Variants in CILK1 observed in about 807,000 individuals in gnomAD.
The protein encoded by CILK1 is serine/threonine-protein kinase ICK.
In CILK1, 47 loss-of-function variants were observed where a neutral mutation model predicts 79.2. The ratio of observed to expected loss-of-function variants is 0.59; its 90% CI spans 0.47 to 0.76. The LOEUF (loss-of-function observed/expected upper bound fraction) is 0.76, where lower values mean the gene tolerates loss of function less well. CILK1 is among the 30% of genes least tolerant of loss of function. The probability of loss-of-function intolerance (pLI) is 0.00; values close to 1 mark genes in which losing one functional copy is unlikely to be tolerated. For missense variants in CILK1, 660 were observed against 769.5 expected, an observed-to-expected ratio of 0.86 and a Z score of 1.68; for synonymous variants, 266 against 275.9, an observed-to-expected ratio of 0.96 and a Z score of 0.36.
At chr6:53,006,703 A>C (rs757628316) in intron 12 of CILK1, among the ~76,000 whole-genome samples, 1 of 152,204 alleles carries the variant, frequency 6.6e-6, no homozygotes, top group Non-Finnish European at 1.5e-5. Flanking sequence ...AAAAAAGGGA[A>C]ATATGACATT....
intron 4 of CILK1, 125 bp from the exon 5 acceptor site, chr6:53,031,269 T>A: frequency 1.5e-6 from 1 of 655,772 alleles, no homozygotes. Flanking sequence ...AGTCACATGT[T>A]ACAAAAACAA....
At chr6:53,024,593 G>A (rs1290773876) in intron 5 of CILK1, among the ~76,000 whole-genome samples, 4 of 152,248 alleles carry the variant, frequency 2.6e-5, no homozygotes, top group South Asian at 2.1e-4. Context: ...CAACGCACCT[G>A]TGACCTCTGA....
intron 7 of CILK1, among the ~76,000 whole-genome samples, chr6:53,016,474 A>G (rs1422193645): frequency 2.0e-5 from 3 of 152,166 alleles, no homozygotes; most frequent in African/African-American, 7.2e-5. Context: ...TGGAAAAGAC[A>G]CTGGATTTGC....
chr6:53,029,294 G>A (rs1052448600), intron 5 of CILK1, among the ~76,000 whole-genome samples: 2 of 152,102 alleles, frequency 1.3e-5, no homozygotes, highest in African/African-American at 4.8e-5. Flanking sequence ...AGTTTTTAAT[G>A]TTTTGCAAAT....
At chr6:53,043,755 G>T (rs1169089158) in intron 1 of CILK1, among the ~76,000 whole-genome samples, 2 of 152,050 alleles carry the variant, frequency 1.3e-5, no homozygotes, top group Non-Finnish European at 2.9e-5. Flanking sequence ...AGGGGATGGG[G>T]GTGTGGATGG....
intron 10 of CILK1, 53 bp from the exon 11 acceptor site, chr6:53,011,970 G>T: frequency 6.2e-7 from 1 of 1,613,704 alleles, no homozygotes; most frequent in Non-Finnish European, 8.5e-7. Flanking sequence ...ATGTATTCTC[G>T]GATATGTACC....
intron 1 of CILK1, chr6:53,057,630 C>T (rs1768010827): frequency 6.6e-6 from 1 of 152,112 alleles, no homozygotes; most frequent in African/African-American, 2.4e-5. Flanking sequence ...TGCTAATTAA[C>T]ATAGATTTGA....
intron 7 of CILK1, among the ~76,000 whole-genome samples, chr6:53,016,922 A>G (rs1764923960): frequency 6.6e-6 from 1 of 152,248 alleles, no homozygotes; most frequent in Non-Finnish European, 1.5e-5. Flanking sequence ...AAGTGGCAAT[A>G]CATATAGCTT....
intron 1 of CILK1, among the ~76,000 whole-genome samples, chr6:53,041,868 C>T (rs368701522): frequency 5.9e-5 from 9 of 152,020 alleles, no homozygotes; most frequent in African/African-American, 1.7e-4. Flanking sequence ...TGACCACCCA[C>T]GATCGTAAAC....
intron 5 of CILK1, among the ~76,000 whole-genome samples, chr6:53,024,522 C>T (rs1182842536): frequency 6.6e-6 from 1 of 152,166 alleles, no homozygotes; most frequent in Admixed American, 6.5e-5. Context: ...TGTGTGTTTC[C>T]ATTTTGGAAC....
At chr6:53,049,882 G>A (rs1048758812) in intron 1 of CILK1, among the ~76,000 whole-genome samples, 5 of 151,894 alleles carry the variant, frequency 3.3e-5, no homozygotes, top group African/African-American at 1.2e-4. Context: ...CACCAGGCCT[G>A]GTTAATTTTT....
chr6:53,029,786 G>A (rs900330731), intron 5 of CILK1, among the ~76,000 whole-genome samples: 1 of 152,166 alleles, frequency 6.6e-6, no homozygotes, highest in East Asian at 1.9e-4. Flanking sequence ...CAGTCTCCTT[G>A]AGTAATAAAA....
intron 1 of CILK1, 121 bp from the exon 2 acceptor site, chr6:53,041,529 TC>T (rs2127452803): frequency 2.6e-6 from 1 of 391,992 alleles, no homozygotes; most frequent in South Asian, 2.1e-5. Flanking sequence ...TGCATACCAT[TC>T]ATGACTACAA....
chr6:53,019,360 C>T lies in CILK1; in HGVS notation c.359-1G>A, dbSNP rs1209882070. The T allele has an allele frequency of 1.2e-6, 2 of 1,613,844 alleles. No individual in the cohort carries two copies. The highest frequency in any genetic ancestry group is 1.7e-6 in the Non-Finnish European group (2 of 1,179,938). ...GGCTTTAAGTCTCGATGAAAGAAGC[C>T]TATAGAGACAGTAGAGGAGAAGAAA... On this transcript the variant is annotated splice_acceptor_variant, in intron 5 of 13. Coordinates refer to ENST00000676107, the MANE Select transcript of CILK1 (RefSeq NM_014920.5). LOFTEE classifies it high-confidence loss of function.
intron 2 of CILK1, among the ~76,000 whole-genome samples, chr6:53,038,892 T>G (rs545474811): frequency 6.6e-6 from 1 of 152,314 alleles, no homozygotes; most frequent in African/African-American, 2.4e-5. Context: ...TAATCAGAAA[T>G]TCAACTTTCA....
chr6:53,006,485 G>A (rs1247810767), intron 12 of CILK1, 48 bp from the exon 13 acceptor site: 3 of 1,604,462 alleles, frequency 1.9e-6, no homozygotes, highest in Admixed American at 1.7e-5. Context: ...CATGTACCCA[G>A]GACACCAACA....
rs1283366445 is a variant in CILK1 at position 53,003,784 on chromosome 6, C to T, written c.*1365G>A. On this transcript the variant is annotated 3_prime_UTR_variant, in exon 14 of 14. Coordinates refer to ENST00000676107, the MANE Select transcript of CILK1 (RefSeq NM_014920.5). ...GTTCAATTTGTCATTATCCTGGAAC[C>T]AATAGAGAGTAGTTTGAGCCCTAGG... 1 of 152,568 alleles carries T rather than the reference C, an allele frequency of 6.6e-6. No homozygotes were observed. Among genetic ancestry groups the T allele is most frequent in the South Asian group, 2.1e-4 (1 of 4,802 alleles). 9.5% of individuals were successfully genotyped at this position (152,568 alleles called of 1,614,324 possible).
At chr6:53,058,411 A>G (rs888845547) in intron 1 of CILK1, among the ~76,000 whole-genome samples, 9 of 152,180 alleles carry the variant, frequency 5.9e-5, no homozygotes, top group African/African-American at 2.2e-4. Context: ...GTTTCACCAA[A>G]TTCTTTTTAC....
At chr6:53,045,135 C>A (rs1346848191) in intron 1 of CILK1, among the ~76,000 whole-genome samples, 2 of 152,116 alleles carry the variant, frequency 1.3e-5, no homozygotes, top group Admixed American at 6.6e-5. Context: ...TCAAAACATA[C>A]AAATGCAGAC....
Sources: gnomAD v4.1 joint callset for allele counts (sites outside exome capture counted in the v4.1 genomes callset) on GRCh38, gnomAD v4.1.1 for gene constraint, MANE v1.5 for transcripts, NCBI Gene and HGNC (gene_info 2026-07-23, HGNC 2026-07-21) for gene names.